DLG2: variants seen among roughly 807,000 people sequenced by gnomAD.
The protein encoded by DLG2 is discs large MAGUK scaffold protein 2.
In DLG2, 45 loss-of-function variants were observed where a neutral mutation model predicts 132.5. That is an observed-to-expected ratio of 0.34 (90% confidence interval 0.27 to 0.44). DLG2 has a LOEUF of 0.44. Ranked by LOEUF, DLG2 falls within the 20% of genes least tolerant of loss-of-function variation. The probability of loss-of-function intolerance (pLI) is 1.00; values close to 1 mark genes in which losing one functional copy is unlikely to be tolerated. For synonymous variants in DLG2, 424 were observed against 419.6 expected (o/e 1.01, Z -0.13); for missense variants, 1,045 against 1,196.9 (o/e 0.87, Z 1.87).
In DLG2 at chr11:83,859,515, G is replaced by C. The variant is rs188926167; in HGVS notation, c.1565+14905C>G. ...CTTTGTACTTGAGAGAGATGATTTA[G>C]GGTATCTGGCAGAAGAAATTTCTAA... is the stretch of plus-strand genomic sequence containing the variant. On this transcript the variant is annotated intron_variant, in intron 16 of 27. Coordinates refer to ENST00000376104, the MANE Select transcript of DLG2 (RefSeq NM_001142699.3). Among the ~76,000 whole-genome samples the C allele has an allele frequency of 4.3e-3, 656 of 152,272 alleles. 2 individuals carry two copies. The highest frequency in any genetic ancestry group is 0.01 in the Middle Eastern group (3 of 294).
intron 11 of DLG2, among the ~76,000 whole-genome samples, chr11:83,994,981 T>C (rs2093948098): frequency 1.5e-5 from 2 of 130,282 alleles, no homozygotes; most frequent in South Asian, 4.6e-4. Flanking sequence ...CTGTGTCCAT[T>C]TTTTTTTTTT....
intron 9 of DLG2, among the ~76,000 whole-genome samples, chr11:84,162,761 T>G (rs926987657): frequency 2.0e-5 from 3 of 152,182 alleles, no homozygotes; most frequent in Non-Finnish European, 2.9e-5. Flanking sequence ...AGGCAAAACT[T>G]GTTTGCTCTC....
intron 6 of DLG2, among the ~76,000 whole-genome samples, chr11:84,857,930 T>C (rs1030794833): frequency 6.6e-6 from 1 of 151,936 alleles, no homozygotes; most frequent in Non-Finnish European, 1.5e-5. Flanking sequence ...TCACTGTGTG[T>C]CATGCAGGCT....
At chr11:84,790,669 G>A (rs1160490984) in intron 6 of DLG2, among the ~76,000 whole-genome samples, 1 of 152,314 alleles carries the variant, frequency 6.6e-6, no homozygotes, top group Non-Finnish European at 1.5e-5. Flanking sequence ...ACAGATCAAT[G>A]TCCTGGAGGG....
At chr11:83,586,357 A>G (rs2097086387) in intron 19 of DLG2, among the ~76,000 whole-genome samples, 1 of 152,248 alleles carries the variant, frequency 6.6e-6, no homozygotes, top group South Asian at 2.1e-4. Context: ...TATAGCACAG[A>G]CAGATGTGGG....
At chr11:84,433,728 G>T (rs1300408760) in intron 7 of DLG2, among the ~76,000 whole-genome samples, 1 of 152,126 alleles carries the variant, frequency 6.6e-6, no homozygotes, top group Non-Finnish European at 1.5e-5. Flanking sequence ...GGTCCTTTTT[G>T]ATTAAAGACA....
At chr11:84,094,978 T>A (rs1039800096) in intron 10 of DLG2, among the ~76,000 whole-genome samples, 3 of 152,110 alleles carry the variant, frequency 2.0e-5, no homozygotes. Context: ...GCTTACATTA[T>A]AAACTTGAGA....
At chr11:83,798,870 G>A (rs1026776527) in intron 17 of DLG2, among the ~76,000 whole-genome samples, 7 of 152,292 alleles carry the variant, frequency 4.6e-5, no homozygotes, top group African/African-American at 7.2e-5. Flanking sequence ...GAGATGCAAC[G>A]AAGTGAAAAT....
chr11:84,528,049 T>C (rs2099327032), intron 7 of DLG2, among the ~76,000 whole-genome samples: 1 of 152,156 alleles, frequency 6.6e-6, no homozygotes, highest in Non-Finnish European at 1.5e-5. Flanking sequence ...TAATTAATTA[T>C]GAATCAAGAG....
At chr11:84,489,676 C>T (rs565119044) in intron 7 of DLG2, among the ~76,000 whole-genome samples, 16 of 152,122 alleles carry the variant, frequency 1.1e-4, no homozygotes, top group South Asian at 1.0e-3. Context: ...TGCTTGTATT[C>T]GTATTATTCC....
intron 18 of DLG2, among the ~76,000 whole-genome samples, chr11:83,703,372 G>T (rs755810482): frequency 1.3e-5 from 2 of 152,168 alleles, no homozygotes; most frequent in Non-Finnish European, 2.9e-5. Context: ...ACAAACGGCC[G>T]GGCCTGGTGG....
intron 15 of DLG2, among the ~76,000 whole-genome samples, chr11:83,927,197 A>G (rs577281229): frequency 6.6e-6 from 1 of 152,274 alleles, no homozygotes; most frequent in South Asian, 2.1e-4. Context: ...AATAATCCTG[A>G]GCTCCTGCTA....
chr11:84,460,137 T>C (rs1043978683), intron 7 of DLG2, among the ~76,000 whole-genome samples: 1 of 150,610 alleles, frequency 6.6e-6, no homozygotes, highest in African/African-American at 2.4e-5. Flanking sequence ...ATTTTTTTGA[T>C]CTTCAGATTC....
At chr11:84,376,829 T>G (rs909018904) in intron 7 of DLG2, among the ~76,000 whole-genome samples, 21 of 151,738 alleles carry the variant, frequency 1.4e-4, no homozygotes, top group Non-Finnish European at 2.9e-5. Flanking sequence ...AGCATCAGAG[T>G]CATCTAAAAT....
chr11:84,739,460 C>T (rs1490217617), intron 6 of DLG2, among the ~76,000 whole-genome samples: 3 of 152,122 alleles, frequency 2.0e-5, no homozygotes, highest in Admixed American at 6.5e-5. Flanking sequence ...CTATGTTTGC[C>T]AAGATCACTC....
At chr11:84,253,193 T>C (rs11233963) in intron 7 of DLG2, among the ~76,000 whole-genome samples, 22,002 of 151,610 alleles carry the variant, frequency 0.15, 1,770 homozygotes, top group East Asian at 0.25. Context: ...ATAAGAGGCA[T>C]GTAGAGAAGA....
At chr11:85,072,094 C>A (rs905686520) in intron 6 of DLG2, among the ~76,000 whole-genome samples, 1 of 151,816 alleles carries the variant, frequency 6.6e-6, no homozygotes, top group African/African-American at 2.4e-5. Flanking sequence ...GATGTGTATT[C>A]CCTCTTCAGT....
At chr11:85,624,374 T>G (rs1007128773) in intron 2 of DLG2, among the ~76,000 whole-genome samples, 2 of 152,190 alleles carry the variant, frequency 1.3e-5, no homozygotes, top group African/African-American at 4.8e-5. Flanking sequence ...ATCCATCTTA[T>G]GAAAATTTCA....
chr11:84,563,761 T>C (rs1160995527), intron 6 of DLG2, among the ~76,000 whole-genome samples: 1 of 152,182 alleles, frequency 6.6e-6, no homozygotes, highest in Admixed American at 6.5e-5. Context: ...CCTGGCTCTG[T>C]GAGGCTCTGA....
Sources: gnomAD v4.1 joint callset for allele counts (sites outside exome capture counted in the v4.1 genomes callset) on GRCh38, gnomAD v4.1.1 for gene constraint, MANE v1.5 for transcripts, NCBI Gene and HGNC (gene_info 2026-07-23, HGNC 2026-07-21) for gene names.